ZFAT: variants seen among roughly 807,000 people sequenced by gnomAD.
The protein encoded by ZFAT is zinc finger and AT-hook domain containing.
Under a neutral mutation model 117.7 loss-of-function variants are expected in ZFAT, and 64 were observed. The ratio of observed to expected loss-of-function variants is 0.54; its 90% confidence interval spans 0.44 to 0.67. The LOEUF is 0.67. ZFAT is among the 30% of genes least tolerant of loss of function. The pLI is 0.00. For missense variants in ZFAT, 1,433 were observed against 1,584.5 expected, an observed-to-expected ratio of 0.90 and a Z score of 1.62; for synonymous variants, 679 against 615.0, an observed-to-expected ratio of 1.10 and a Z score of -1.54.
chr8:134,695,894 C>T (rs1193041745), intron 1 of ZFAT, among the ~76,000 whole-genome samples: 9 of 150,184 alleles, frequency 6.0e-5, no homozygotes, highest in Admixed American at 4.0e-4. Context: ...CACCCCCAGG[C>T]CCAGGCGGCA....
At chr8:134,758,249 T>C in the ZFAT span, among the ~76,000 whole-genome samples, 1 of 152,120 alleles carries the variant, frequency 6.6e-6, no homozygotes, top group African/African-American at 2.4e-5. Context: ...CTAGAAAGCA[T>C]GATCCTGGGT....
At chr8:134,708,970 A>C (rs1813888656) in intron 1 of ZFAT, among the ~76,000 whole-genome samples, 1 of 151,928 alleles carries the variant, frequency 6.6e-6, no homozygotes, top group Non-Finnish European at 1.5e-5. Context: ...ATTTAATTTA[A>C]TTTTTAAAAA....
At chr8:134,688,536 G>C (rs992454072) in intron 1 of ZFAT, among the ~76,000 whole-genome samples, 2 of 152,176 alleles carry the variant, frequency 1.3e-5, no homozygotes, top group Non-Finnish European at 2.9e-5. Flanking sequence ...CACGAGAAAG[G>C]GGAGAAGGAA....
chr8:134,808,421 G>A, the ZFAT span, among the ~76,000 whole-genome samples: 2 of 152,170 alleles, frequency 1.3e-5, no homozygotes, highest in Non-Finnish European at 2.9e-5. Context: ...ACAAAATGAG[G>A]CTTAGGCAAA....
chr8:134,624,193 C>T (rs1010430719), intron 3 of ZFAT, among the ~76,000 whole-genome samples: 1 of 151,724 alleles, frequency 6.6e-6, no homozygotes, highest in Admixed American at 6.6e-5. Context: ...CACACACACA[C>T]ACACACACAC....
the ZFAT span, among the ~76,000 whole-genome samples, chr8:134,803,739 C>A: frequency 6.6e-6 from 1 of 152,124 alleles, no homozygotes; most frequent in East Asian, 1.9e-4. Flanking sequence ...AATATAAAAT[C>A]ATTACTAAAG....
At chr8:134,608,329 C>T (rs1828045754) in intron 5 of ZFAT, among the ~76,000 whole-genome samples, 1 of 152,220 alleles carries the variant, frequency 6.6e-6, no homozygotes, top group Non-Finnish European at 1.5e-5. Flanking sequence ...CCTTCTGCAA[C>T]ACACTTGTGT....
At chr8:134,708,502 C>T (rs551472126) in intron 1 of ZFAT, among the ~76,000 whole-genome samples, 6 of 151,436 alleles carry the variant, frequency 4.0e-5, no homozygotes, top group Admixed American at 1.3e-4. Context: ...ATTTTAAGTC[C>T]GTGTTTTTCT....
chr8:134,535,049 A>T (rs1821730722), intron 11 of ZFAT, among the ~76,000 whole-genome samples: 1 of 152,162 alleles, frequency 6.6e-6, no homozygotes, highest in Admixed American at 6.5e-5. Flanking sequence ...CCACTGTGAC[A>T]GCTGTGACAT....
chr8:134,806,906 C>T, the ZFAT span, among the ~76,000 whole-genome samples: 1 of 152,136 alleles, frequency 6.6e-6, no homozygotes, highest in East Asian at 1.9e-4. Flanking sequence ...AAGGTAAAGT[C>T]TAATGAGGGG....
chr8:134,511,305 G>A (rs967046547), intron 14 of ZFAT, among the ~76,000 whole-genome samples: 1 of 152,102 alleles, frequency 6.6e-6, no homozygotes, highest in African/African-American at 2.4e-5. Context: ...CATCTTGTAG[G>A]CCATGAGCAA....
intron 1 of ZFAT, among the ~76,000 whole-genome samples, chr8:134,705,367 G>T (rs1446170773): frequency 8.5e-6 from 1 of 117,422 alleles, no homozygotes; most frequent in African/African-American, 3.5e-5. Flanking sequence ...TGCCCAGCTG[G>T]TTTTTTTTTG....
chr8:134,773,046 A>T, the ZFAT span, among the ~76,000 whole-genome samples: 4 of 148,158 alleles, frequency 2.7e-5, no homozygotes, highest in Non-Finnish European at 4.5e-5. Context: ...GTGAGCTATG[A>T]TTGTACCACA....
intron 15 of ZFAT, among the ~76,000 whole-genome samples, chr8:134,479,371 G>C (rs1316102061): frequency 6.6e-6 from 1 of 152,204 alleles, no homozygotes; most frequent in African/African-American, 2.4e-5. Flanking sequence ...TATCCGTCAG[G>C]GGATGGGACC....
intron 10 of ZFAT, among the ~76,000 whole-genome samples, chr8:134,570,797 A>G (rs1473123069): frequency 2.0e-5 from 3 of 152,216 alleles, no homozygotes; most frequent in African/African-American, 7.2e-5. Context: ...ATTGGACTAC[A>G]GTGGACAAGA....
chr8:134,623,737 C>T (rs1829293324), intron 3 of ZFAT, among the ~76,000 whole-genome samples: 1 of 152,106 alleles, frequency 6.6e-6, no homozygotes, highest in African/African-American at 2.4e-5. Context: ...GCTATTTCCT[C>T]TTGCAAGGGT....
At chr8:134,509,860 A>G in intron 14 of ZFAT, 111 bp from the exon 15 acceptor site, 2 of 1,365,254 alleles carry the variant, frequency 1.5e-6, no homozygotes, top group Non-Finnish European at 2.0e-6. Context: ...CAGAGGATGC[A>G]TGGGCTCTCC....
chr8:134,694,197 G>A (rs570931140), intron 1 of ZFAT, among the ~76,000 whole-genome samples: 1 of 152,344 alleles, frequency 6.6e-6, no homozygotes, highest in Non-Finnish European at 1.5e-5. Flanking sequence ...AATGAGGCAC[G>A]TGGCTGAGGT....
intron 1 of ZFAT, among the ~76,000 whole-genome samples, chr8:134,659,995 C>T (rs1185886901): frequency 6.6e-6 from 1 of 152,220 alleles, no homozygotes; most frequent in African/African-American, 2.4e-5. Flanking sequence ...CTCACAGATA[C>T]TGCCAATCGA....
Sources: gnomAD v4.1 joint callset for allele counts (sites outside exome capture counted in the v4.1 genomes callset) on GRCh38, gnomAD v4.1.1 for gene constraint, MANE v1.5 for transcripts, NCBI Gene and HGNC (gene_info 2026-07-23, HGNC 2026-07-21) for gene names.